ECD: variants seen among roughly 807,000 people sequenced by gnomAD.
ECD encodes the protein ecdysoneless cell cycle regulator.
ECD carries 59 observed loss-of-function variants against 77.2 expected under a neutral mutation model. That is an observed-to-expected ratio of 0.76 (90% CI 0.62 to 0.95). The LOEUF (loss-of-function observed/expected upper bound fraction) is 0.95, where lower values mean the gene tolerates loss of function less well. Ranked by LOEUF, ECD falls within the 40% of genes least tolerant of loss-of-function variation. The pLI, the probability that ECD is intolerant of heterozygous loss-of-function variation, is 0.00. For synonymous variants in ECD, 233 were observed against 267.4 expected (o/e 0.87, Z 1.26); for missense variants, 704 against 763.4 (o/e 0.92, Z 0.92).
chr10:73,136,624 A>G, intron 13 of ECD, 80 bp downstream of exon 13: 1 of 1,338,304 alleles, frequency 7.5e-7, no homozygotes, highest in South Asian at 1.3e-5. Flanking sequence ...CACCAAAAAA[A>G]GAAAAACTAT....
At chr10:73,144,665 C>T (rs1843101026) in intron 9 of ECD, among the ~76,000 whole-genome samples, 1 of 152,084 alleles carries the variant, frequency 6.6e-6, no homozygotes, top group Non-Finnish European at 1.5e-5. Context: ...CCTTTACTTT[C>T]TTAATAAACA....
chr10:73,139,429 T>C lies in ECD; in HGVS notation c.1301A>G (p.Lys434Arg). Residue 434 changes from lysine (K) to arginine (R), a missense_variant, in exon 11 of 14, where the codon AAA becomes AGA. By Grantham distance (26) the Lys-to-Arg change is conservative. This residue lies in a region of ECD where 559 missense variants were observed against 583.7 expected (regional missense o/e 0.96). Transcript: ENST00000372979. ...DQLLQEAVGK[K>R]ESESVSKEEK... is the part of the protein sequence containing the mutation. ...CTCCTTGGAAACAGACTCGGATTCT[T>C]TTTTGCCAACAGCTTCCTGCAGCAG... The C allele has an allele frequency of 6.2e-7, 1 of 1,614,168 alleles. No homozygotes were observed. Among genetic ancestry groups the C allele is most frequent in the East Asian group, 2.2e-5 (1 of 44,880 alleles).
chr10:73,139,822 G>T, intron 9 of ECD, 85 bp from the exon 10 acceptor site: 1 of 946,320 alleles, frequency 1.1e-6, no homozygotes, highest in Non-Finnish European at 1.5e-6. Context: ...AAGGTTGGAA[G>T]GGATTAGCTA....
At chr10:73,165,695 A>G (rs1811310144) in intron 1 of ECD, among the ~76,000 whole-genome samples, 2 of 151,916 alleles carry the variant, frequency 1.3e-5, no homozygotes, top group Admixed American at 6.6e-5. Flanking sequence ...TGATACAGGT[A>G]TACAATGCAT....
chr10:73,159,953 C>G (rs1480686249), intron 3 of ECD, among the ~76,000 whole-genome samples: 2 of 150,586 alleles, frequency 1.3e-5, no homozygotes, highest in African/African-American at 2.4e-5. Context: ...TACTTTAATT[C>G]TTTCTCAAGA....
intron 1 of ECD, among the ~76,000 whole-genome samples, chr10:73,167,310 G>T (rs957351052): frequency 1.3e-5 from 2 of 152,068 alleles, no homozygotes; most frequent in Non-Finnish European, 1.5e-5. Flanking sequence ...TAAATTTTAG[G>T]ATCTTTTTTC....
intron 11 of ECD, 66 bp downstream of exon 11, chr10:73,139,243 G>T: frequency 7.0e-7 from 1 of 1,425,076 alleles, no homozygotes; most frequent in Non-Finnish European, 9.3e-7. Context: ...AGTGGAAATG[G>T]CAATGACTAT....
chr10:73,150,531 A>C (rs1589117310), intron 7 of ECD, among the ~76,000 whole-genome samples: 1 of 152,360 alleles, frequency 6.6e-6, no homozygotes, highest in East Asian at 1.9e-4. Flanking sequence ...AATGGGATCT[A>C]ATTAAACTCA....
At chr10:73,165,781 ACT>A (rs1244059694) in intron 1 of ECD, among the ~76,000 whole-genome samples, 5 of 149,728 alleles carry the variant, frequency 3.3e-5, no homozygotes, top group Admixed American at 1.3e-4. Flanking sequence ...CTCTAATTAT[ACT>A]CTTTTAGTTA....
Position 73,139,374 on chromosome 10 carries a change from T to G in ECD, c.1356A>C (p.Glu452Asp). 2 of 1,614,192 alleles carry G rather than the reference T, an allele frequency of 1.2e-6. No homozygotes were observed. The highest frequency in any genetic ancestry group is 1.7e-6 in the Non-Finnish European group (2 of 1,180,044). The part of the protein sequence containing the change: ...EEKEQNYDLT[E>D]VSESMKAFIS... ...TGAAAGCTTTCATGCTCTCTGAGAC[T>G]TCAGTTAAGTCATAGTTCTGCTCCT... The change falls in exon 11 of 14, where the codon GAA (glutamate) becomes GAC (aspartate). Residue 452 changes from glutamate (E) to aspartate (D), a missense_variant. By Grantham distance (45) the Glu-to-Asp change is conservative. Around this residue, in one of 3 missense-constraint regions of ECD, gnomAD observed 559 missense variants for 583.7 expected, o/e 0.96. Transcript: ENST00000372979.
At chr10:73,158,870 T>C (rs1369221306) in intron 3 of ECD, among the ~76,000 whole-genome samples, 1 of 152,074 alleles carries the variant, frequency 6.6e-6, no homozygotes, top group African/African-American at 2.4e-5. Context: ...AGACCCCGTC[T>C]TTAAAAAACT....
intron 11 of ECD, among the ~76,000 whole-genome samples, 155 bp downstream of exon 11, chr10:73,139,154 A>G (rs1009537126): frequency 6.6e-6 from 1 of 152,048 alleles, no homozygotes. Context: ...TCTGACTTCA[A>G]ATAAGTAAGT....
rs373038665 is a variant in ECD, at chr10:73,156,274, C to T, written c.590+1G>A. The T allele has an allele frequency of 2.6e-6, 4 of 1,562,120 alleles. No homozygotes were observed. Among genetic ancestry groups the T allele is most frequent in the Non-Finnish European group, 3.5e-6 (4 of 1,159,090 alleles). On this transcript the variant is annotated splice_donor_variant, in intron 5 of 13. Transcript: ENST00000372979. LOFTEE classifies it high-confidence loss of function. Reference sequence around the variant, plus strand: ...AGCAATGAAAGTGATATTTTTCTTACCCTCTGATGCGCCTATTCACAGCAG... The same window carrying T: ...AGCAATGAAAGTGATATTTTTCTTATCCTCTGATGCGCCTATTCACAGCAG...
At chr10:73,135,547 CCT>C (rs1026099680) in intron 13 of ECD, among the ~76,000 whole-genome samples, 4 of 151,816 alleles carry the variant, frequency 2.6e-5, no homozygotes, top group African/African-American at 9.7e-5. Flanking sequence ...ATGGTGAAAC[CCT>C]GTCTCTACTA....
intron 9 of ECD, 134 bp downstream of exon 9, chr10:73,146,142 G>T (rs1843125195): frequency 3.3e-6 from 1 of 300,502 alleles, no homozygotes; most frequent in Non-Finnish European, 5.5e-6. Context: ...GGAGGCGGAG[G>T]TTGCCAGCCT....
chr10:73,137,619 C>CA (rs1285541354), intron 12 of ECD, among the ~76,000 whole-genome samples: 1 of 151,744 alleles, frequency 6.6e-6, no homozygotes, highest in Non-Finnish European at 1.5e-5. Flanking sequence ...ACTAAAAATA[C>CA]AAAAAAATTA....
chr10:73,154,325 T>G lies in ECD; in HGVS notation c.714A>C (p.Arg238=). ...VAAAVQAFYL[R]DPIDLRACRV... ...GACAAGCTCGCAGGTCAATAGGGTC[T>G]CGTAGGTAAAATGCCTGGACTGCTG... is the stretch of plus-strand genomic sequence containing the variant. Residue 238 remains arginine (R), a synonymous_variant, in exon 6 of 14, where the codon CGA becomes CGC. Coordinates refer to ENST00000372979, the MANE Select transcript of ECD (RefSeq NM_007265.3). The G allele has an allele frequency of 6.2e-7, 1 of 1,614,120 alleles. No homozygotes were observed. Among genetic ancestry groups the G allele is most frequent in the East Asian group, 2.2e-5 (1 of 44,872 alleles).
intron 3 of ECD, among the ~76,000 whole-genome samples, chr10:73,159,744 A>C (rs1320972996): frequency 6.7e-6 from 1 of 148,378 alleles, no homozygotes; most frequent in Non-Finnish European, 1.5e-5. Context: ...CCCAGGTTCA[A>C]GCAATTCTCC....
chr10:73,141,362 AT>A (rs1227997338), intron 9 of ECD: 3 of 166,818 alleles, frequency 1.8e-5, no homozygotes, highest in South Asian at 1.1e-4. Context: ...AAAAAAAAAA[AT>A]TAGCTGGGCG....
Sources: gnomAD v4.1 joint callset for allele counts (sites outside exome capture counted in the v4.1 genomes callset) on GRCh38, gnomAD v4.1.1 for gene constraint, gnomAD v4.1.1 regional missense constraint, MANE v1.5 for transcripts, NCBI Gene and HGNC (gene_info 2026-07-23, HGNC 2026-07-21) for gene names.